MGAM: variants seen among roughly 807,000 people sequenced by gnomAD.
The protein encoded by MGAM is maltase-glucoamylase.
A neutral mutation model predicts 358.8 loss-of-function variants in MGAM; 253 were observed. The observed-to-expected ratio is 0.71, with a 90% CI of 0.64 to 0.78. The LOEUF (loss-of-function observed/expected upper bound fraction) is 0.78, where lower values mean the gene tolerates loss of function less well. Among genes scored for constraint, MGAM ranks in the 30% least tolerant of loss-of-function variants. MGAM has a pLI of 0.00. For synonymous variants in MGAM, 1,105 were observed against 1,227.1 expected (o/e 0.90, Z 2.08); for missense variants, 3,080 against 3,432.6 (o/e 0.90, Z 2.57).
intron 21 of MGAM, among the ~76,000 whole-genome samples, chr7:142,046,392 T>A (rs1810418873): frequency 6.6e-6 from 1 of 151,934 alleles, no homozygotes; most frequent in African/African-American, 2.4e-5. Context: ...ATCTTATAAC[T>A]GTGGGTCTCA....
rs777170312 is a variant in MGAM at position 142,067,374 on chromosome 7, C to T, written c.4953C>T (p.Asp1651=). The change falls in exon 42 of 71, where the codon GAC becomes GAT. Residue 1651 remains aspartate (D), a synonymous_variant. Transcript: ENST00000475668. ...CAGACCAGGTGACATGGGACATAGA[C>T]AGTCAGTTCCTGCTGGGCCCAGCCT... ...FVSDQVTWDI[D]SQFLLGPAFL... is the part of the protein sequence containing the mutation. 2.5e-5 allele frequency: 39 copies of T among 1,551,232 alleles called. 6 individuals are homozygous for T. Among genetic ancestry groups the T allele is most frequent in the Non-Finnish European group, 3.2e-5 (36 of 1,129,068 alleles).
chr7:141,999,880 T>G (rs956145546), intron 1 of MGAM, among the ~76,000 whole-genome samples: 1 of 152,026 alleles, frequency 6.6e-6, no homozygotes, highest in Non-Finnish European at 1.5e-5. Context: ...ATGCAGGAAG[T>G]AAGGTCAATC....
chr7:142,028,252 A>G (rs1363627902), intron 10 of MGAM, among the ~76,000 whole-genome samples: 1 of 152,152 alleles, frequency 6.6e-6, no homozygotes, highest in Non-Finnish European at 1.5e-5. Flanking sequence ...ATAAGATTTC[A>G]TGTCTAAATT....
rs180818936 is a variant in MGAM, at chr7:142,028,779, G to A, written c.1221+1044G>A. Among the ~76,000 whole-genome samples, 80 of 152,180 alleles carry A rather than the reference G, an allele frequency of 5.3e-4. 1 individual carries two copies. The highest frequency in any genetic ancestry group is 2.0e-3 in the Admixed American group (30 of 15,270). On this transcript the variant is annotated intron_variant, in intron 10 of 70. Coordinates refer to ENST00000475668, the MANE Select transcript of MGAM (RefSeq NM_001365693.1). The stretch of plus-strand genomic sequence containing the variant: ...AAAGCCTAGGAACACTGAGGAGATG[G>A]GGGAAGCAGAAAGTCAGGGCAGATA...
chr7:142,102,656 T>C lies in MGAM; in HGVS notation c.7990T>C (p.Leu2664=). The change falls in exon 69 of 71, where the codon TTG becomes CTG. Residue 2664 remains leucine (L), a synonymous_variant. Coordinates refer to ENST00000475668, the MANE Select transcript of MGAM (RefSeq NM_001365693.1). ...IDTYGKGLYY[L]ASFSASQNTM... ...TACCTATGGGAAAGGACTCTATTAC[T>C]TGGCCAGCTTTTCTGCCAGCCAGGT... 6.2e-7 allele frequency: 1 copy of C among 1,613,518 alleles called. No individual in the cohort carries two copies. Among genetic ancestry groups the C allele is most frequent in the East Asian group, 2.2e-5 (1 of 44,850 alleles).
chr7:142,018,560 A>G (rs994067873), intron 3 of MGAM, among the ~76,000 whole-genome samples: 16 of 152,200 alleles, frequency 1.1e-4, no homozygotes, highest in Non-Finnish European at 2.2e-4. Flanking sequence ...CTTCTCCCAA[A>G]TTAGTTGGTG....
chr7:142,100,920 G>A (rs1359785499), intron 68 of MGAM, 30 bp downstream of exon 68: 1 of 1,580,808 alleles, frequency 6.3e-7, no homozygotes, highest in Non-Finnish European at 8.7e-7. Context: ...GATTCATGCT[G>A]ATGGCACTGA....
chr7:142,078,270 G>T lies in MGAM; in HGVS notation c.5494-48G>T, dbSNP rs1422965193. ...TAAATAAAGTCTTAGATTTTGCAAG[G>T]CCTTTCTCCCAAAGATGAATTTCCT... On this transcript the variant is annotated intron_variant, in intron 47 of 70. Coordinates refer to ENST00000475668, the MANE Select transcript of MGAM (RefSeq NM_001365693.1). The T allele has an allele frequency of 2.6e-5, 34 of 1,325,064 alleles. 2 individuals are homozygous for T. Among genetic ancestry groups the T allele is most frequent in the Non-Finnish European group, 5.1e-6 (5 of 986,532 alleles). 82.1% of individuals were successfully genotyped at this position (1,325,064 alleles called of 1,614,324 possible).
At position 142,019,256 on chromosome 7, in the gene MGAM, T is replaced by C. The variant is rs782204750; in HGVS notation, c.385T>C (p.Trp129Arg). 9.9e-6 allele frequency: 16 copies of C among 1,613,626 alleles called. No individual in the cohort carries two copies. In the South Asian group the frequency reaches 1.4e-4, roughly 14 times the overall value. The change falls in exon 4 of 71, where the codon TGG becomes CGG. Residue 129 changes from tryptophan to arginine, a missense_variant. By Grantham distance (101) the Trp-to-Arg change is moderately radical. This residue lies in a region of MGAM where 1,816 missense variants were observed against 1,840.5 expected (regional missense o/e 0.99). Transcript: ENST00000475668. Reference protein sequence around the residue: ...WNPQGAVSVPWCYYSKNHSYH... With the variant: ...WNPQGAVSVPRCYYSKNHSYH... ...TCCCCAGGGAGCTGTAAGTGTTCCC[T>C]GGTGCTACTATTCCAAGAATCATAG...
chr7:142,025,062 T>G lies in MGAM; in HGVS notation c.895T>G (p.Leu299Val), dbSNP rs1554460359. Reference sequence around the variant, plus strand: ...TCTCTTTCTGCAGAACGGAACTAATTTGTATGGTGCGCAGACATTCTTCTT... The same window carrying G: ...TCTCTTTCTGCAGAACGGAACTAATGTGTATGGTGCGCAGACATTCTTCTT... The part of the protein sequence containing the change: ...DTTPNGNGTN[L>V]YGAQTFFLCL... Residue 299 changes from leucine to valine, a missense_variant, in exon 8 of 71, where the codon TTG becomes GTG. Physicochemically the swap from Leu to Val is conservative, Grantham distance 32. Around this residue, in one of 5 missense-constraint regions of MGAM, gnomAD observed 1,816 missense variants for 1,840.5 expected, o/e 0.99. Transcript: ENST00000475668. 6.2e-7 allele frequency: 1 copy of G among 1,613,436 alleles called. No individual in the cohort carries two copies.
In MGAM at chr7:142,072,777, A is replaced by G. The variant is rs1051926729; in HGVS notation, c.5187-1308A>G. Among the ~76,000 whole-genome samples, 9 of 146,174 alleles carry G rather than the reference A, an allele frequency of 6.2e-5. 1 individual carries two copies. Among genetic ancestry groups the G allele is most frequent in the African/African-American group, 2.2e-4 (9 of 41,082 alleles). ...TCCATCTGACATCACGTTAACTTCC[A>G]TCAAGGATCCCGGCTTCATGTGGGA... is the stretch of plus-strand genomic sequence containing the variant. On this transcript the variant is annotated intron_variant, in intron 44 of 70. Coordinates refer to ENST00000475668, the MANE Select transcript of MGAM (RefSeq NM_001365693.1).
At position 142,082,534 on chromosome 7, in the gene MGAM, T is replaced by G; in HGVS notation, c.6231T>G (p.Ser2077Arg). 6.5e-7 allele frequency: 1 copy of G among 1,532,046 alleles called. No homozygotes were observed. The highest frequency in any genetic ancestry group is 8.9e-7 in the Non-Finnish European group (1 of 1,120,508). 94.9% of individuals were successfully genotyped at this position (1,532,046 alleles called of 1,614,324 possible). ...ACATGGGGCTAGAGGAGGATGGCAG[T>G]GCCCATGGAGTGCTCCTGCTGAACA... ...PYYMGLEEDG[S>R]AHGVLLLNSN... The change falls in exon 52 of 71, where the codon AGT becomes AGG. Residue 2077 changes from serine (S) to arginine (R), a missense_variant. This residue lies in a region of MGAM where 932 missense variants were observed against 1,198.2 expected (regional missense o/e 0.78). Transcript: ENST00000475668.
Position 142,066,561 on chromosome 7 carries a change from T to C in MGAM, c.4771-12T>C, listed in dbSNP as rs756547210. 6.6e-5 allele frequency: 102 copies of C among 1,554,066 alleles called. 6 individuals are homozygous for C. In the East Asian group the frequency reaches 1.7e-3, roughly 26 times the overall value. ...AGGGCGAGCTCCCAACACTGTTCTC[T>C]TTCTCCTTTAGAGACAAGACCCTGT... On this transcript the variant is annotated splice_polypyrimidine_tract_variant and intron_variant, in intron 40 of 70. Transcript: ENST00000475668.
intron 1 of MGAM, among the ~76,000 whole-genome samples, chr7:141,997,948 C>T (rs1804398879): frequency 6.6e-6 from 1 of 152,190 alleles, no homozygotes; most frequent in Non-Finnish European, 1.5e-5. Context: ...AATGAATCCT[C>T]TTTTCCACTA....
chr7:142,034,230 G>T, intron 14 of MGAM, 32 bp from the exon 15 acceptor site: 2 of 1,463,316 alleles, frequency 1.4e-6, no homozygotes, highest in South Asian at 1.2e-5. Flanking sequence ...TGCAACTTAG[G>T]CTCTCACTGA....
intron 37 of MGAM, among the ~76,000 whole-genome samples, chr7:142,064,960 C>G (rs913560489): frequency 6.6e-6 from 1 of 152,186 alleles, no homozygotes; most frequent in Non-Finnish European, 1.5e-5. Context: ...TGAATTAGCA[C>G]AGTCCTGCTT....
rs184170755 is a variant in MGAM, at chr7:142,078,454, G to A, written c.5630G>A (p.Arg1877His). The stretch of plus-strand genomic sequence containing the variant: ...GATTCTGCAGAAAACTGCACTGCCC[G>A]TGGCTGTATCTGGGAGGTAACCATG... ...NGDSAENCTARGCIWEASNSS... is the reference protein window; with the variant it reads ...NGDSAENCTAHGCIWEASNSS... Residue 1877 changes from arginine to histidine, a missense_variant, in exon 48 of 71, where the codon CGT (arginine) becomes CAT (histidine). Physicochemically the swap from Arg to His is conservative, Grantham distance 29. This residue lies in a region of MGAM where 932 missense variants were observed against 1,198.2 expected (regional missense o/e 0.78). Transcript: ENST00000475668. 3.2e-4 allele frequency: 494 copies of A among 1,544,520 alleles called. 59 individuals are homozygous for A. The East Asian group carries it at 8.8e-3, about 28-fold the overall frequency.
At chr7:142,035,590 A>G (rs1327388799) in intron 16 of MGAM, among the ~76,000 whole-genome samples, 5 of 152,202 alleles carry the variant, frequency 3.3e-5, no homozygotes, top group Non-Finnish European at 5.9e-5. Context: ...TCAGGGGGGA[A>G]GTTCATTTTA....
intron 3 of MGAM, among the ~76,000 whole-genome samples, chr7:142,018,858 A>G (rs1237833202): frequency 1.3e-5 from 2 of 152,240 alleles, no homozygotes; most frequent in Non-Finnish European, 1.5e-5. Flanking sequence ...CAAAGCCGAT[A>G]TAAATGAAGC....
Sources: gnomAD v4.1 joint callset for allele counts (sites outside exome capture counted in the v4.1 genomes callset) on GRCh38, gnomAD v4.1.1 for gene constraint, gnomAD v4.1.1 regional missense constraint, MANE v1.5 for transcripts, NCBI Gene and HGNC (gene_info 2026-07-23, HGNC 2026-07-21) for gene names.